Variants in VPS37A observed in about 807,000 individuals in gnomAD.
VPS37A encodes vacuolar protein sorting-associated protein 37A.
In VPS37A, 30 loss-of-function variants were observed where a neutral mutation model predicts 49.8. The ratio of observed to expected loss-of-function variants is 0.60; its 90% CI spans 0.45 to 0.82. VPS37A has a LOEUF of 0.82. VPS37A is among the 40% of genes least tolerant of loss of function. The pLI is 0.00. For synonymous variants in VPS37A, 195 were observed against 160.6 expected (o/e 1.21, Z -1.62); for missense variants, 593 against 464.4 (o/e 1.28, Z -2.55).
At chr8:17,320,267 T>C in the VPS37A span, among the ~76,000 whole-genome samples, 1 of 152,174 alleles carries the variant, frequency 6.6e-6, no homozygotes, top group African/African-American at 2.4e-5. Flanking sequence ...CTTAGACTGC[T>C]CAAGGAAGCT....
intron 1 of VPS37A, among the ~76,000 whole-genome samples, chr8:17,265,027 A>G (rs1184438522): frequency 6.6e-6 from 1 of 152,212 alleles, no homozygotes; most frequent in African/African-American, 2.4e-5. Flanking sequence ...GGCTAAAACA[A>G]GATAAAAGTT....
downstream of VPS37A, chr8:17,302,239 T>C: frequency 6.2e-7 from 1 of 1,614,106 alleles, no homozygotes. Context: ...CTGTCGGGGC[T>C]GCATCCCCTT....
At chr8:17,255,211 C>T (rs1007089253) in intron 1 of VPS37A, among the ~76,000 whole-genome samples, 1 of 152,202 alleles carries the variant, frequency 6.6e-6, no homozygotes, top group African/African-American at 2.4e-5. Context: ...TGCAGTGGCT[C>T]ACTGAGCGCC....
At chr8:17,288,366 C>G (rs867015394) in intron 11 of VPS37A, among the ~76,000 whole-genome samples, 3 of 152,140 alleles carry the variant, frequency 2.0e-5, no homozygotes, top group Non-Finnish European at 4.4e-5. Flanking sequence ...TGCTATTCCT[C>G]TCCTTGCCCC....
At chr8:17,250,251 A>G (rs1274404765) in intron 1 of VPS37A, among the ~76,000 whole-genome samples, 1 of 152,170 alleles carries the variant, frequency 6.6e-6, no homozygotes. Context: ...AATTCAAAGT[A>G]ATCAGCCTAC....
At chr8:17,319,977 A>T in the VPS37A span, among the ~76,000 whole-genome samples, 1 of 152,236 alleles carries the variant, frequency 6.6e-6, no homozygotes, top group Admixed American at 6.5e-5. Flanking sequence ...TGAGATAGAT[A>T]TGCTGTAAGT....
intron 11 of VPS37A, among the ~76,000 whole-genome samples, chr8:17,292,755 A>C (rs1266849552): frequency 6.6e-6 from 1 of 152,070 alleles, no homozygotes; most frequent in East Asian, 1.9e-4. Context: ...ATTGGTTGAA[A>C]ATTCTTTAAG....
At chr8:17,277,311 T>C (rs529988699) in intron 6 of VPS37A, among the ~76,000 whole-genome samples, 4 of 152,328 alleles carry the variant, frequency 2.6e-5, no homozygotes, top group African/African-American at 9.6e-5. Context: ...TAATATGCAT[T>C]GTAATGCTCA....
At chr8:17,299,016 T>C (rs1009027187), downstream of VPS37A, 3 of 152,206 alleles carry the variant, frequency 2.0e-5, no homozygotes, top group Admixed American at 6.5e-5. Flanking sequence ...CTACTAACTT[T>C]ATAATGTGAT....
At chr8:17,321,231 G>A in the VPS37A span, among the ~76,000 whole-genome samples, 8 of 152,312 alleles carry the variant, frequency 5.3e-5, no homozygotes, top group African/African-American at 1.7e-4. Context: ...ACCTGGAAAT[G>A]GCCTGTGCCA....
chr8:17,267,992 A>G (rs1258271364), intron 2 of VPS37A, among the ~76,000 whole-genome samples: 1 of 152,204 alleles, frequency 6.6e-6, no homozygotes, highest in Non-Finnish European at 1.5e-5. Flanking sequence ...GAAAGCAACT[A>G]ATTGGCATGA....
At position 17,268,476 on chromosome 8, in the gene VPS37A, T is replaced by G. The variant is rs1813677104; in HGVS notation, c.315+104T>G. 3 of 854,670 alleles carry G rather than the reference T, an allele frequency of 3.5e-6. No individual in the cohort carries two copies. In the East Asian group the frequency reaches 8.0e-5, roughly 23 times the overall value. The allele number at this position is 854,670 out of a possible 1,614,324, so 52.9% of individuals were successfully genotyped here. On this transcript the variant is annotated intron_variant, in intron 3 of 11. Coordinates refer to ENST00000324849, the MANE Select transcript of VPS37A (RefSeq NM_152415.3). ...ATGCATTTAAAGTTTCATTTTGTCATGAGTACTTTTTTTAAAAATTGAATA... is the reference window on the plus strand; with the variant it reads ...ATGCATTTAAAGTTTCATTTTGTCAGGAGTACTTTTTTTAAAAATTGAATA...
At chr8:17,321,067 G>A in the VPS37A span, among the ~76,000 whole-genome samples, 4 of 152,006 alleles carry the variant, frequency 2.6e-5, no homozygotes, top group African/African-American at 7.3e-5. Context: ...TAGCATTCTC[G>A]TTGATTATAA....
the VPS37A span, chr8:17,313,340 C>G: frequency 6.2e-7 from 1 of 1,613,080 alleles, no homozygotes; most frequent in South Asian, 1.1e-5. Flanking sequence ...TGTGCCTTAA[C>G]CAGCCAGAGT....
chr8:17,261,576 G>A (rs1214735790), intron 1 of VPS37A, among the ~76,000 whole-genome samples: 1 of 152,018 alleles, frequency 6.6e-6, no homozygotes, highest in African/African-American at 2.4e-5. Flanking sequence ...ATTTATTCTG[G>A]TCTTCTCTCT....
Position 17,296,045 on chromosome 8 carries a change from C to CCAT in VPS37A, c.*1061_*1063dup, listed in dbSNP as rs1171612782. On this transcript the variant is annotated 3_prime_UTR_variant, in exon 12 of 12. Coordinates refer to ENST00000324849, the MANE Select transcript of VPS37A (RefSeq NM_152415.3). ...TATGTAGCTCAGGCTTGGTAAGGTGCCATCTAAATTACAAAACAAACTAAT... is the reference window on the plus strand; with the variant it reads ...TATGTAGCTCAGGCTTGGTAAGGTGCCATCATCTAAATTACAAAACAAACTAAT... The CCAT allele has an allele frequency of 2.0e-5, 3 of 152,082 alleles. No homozygotes were observed. The allele number at this position is 152,082 out of a possible 1,614,324, so 9.4% of individuals were successfully genotyped here.
chr8:17,249,629 C>T (rs533990877), intron 1 of VPS37A, among the ~76,000 whole-genome samples: 1 of 152,260 alleles, frequency 6.6e-6, no homozygotes, highest in South Asian at 2.1e-4. Context: ...TTAGTCCACC[C>T]TTTTAAATAA....
intron 6 of VPS37A, among the ~76,000 whole-genome samples, chr8:17,279,059 T>C (rs919892565): frequency 2.6e-5 from 4 of 152,136 alleles, no homozygotes; most frequent in African/African-American, 9.7e-5. Context: ...TGAATATCTG[T>C]ACACACATAT....
chr8:17,316,519 G>A, the VPS37A span, among the ~76,000 whole-genome samples: 1 of 150,680 alleles, frequency 6.6e-6, no homozygotes, highest in East Asian at 1.9e-4. Context: ...CCCTGTACCT[G>A]GATTTCTATA....
Sources: gnomAD v4.1 joint callset for allele counts (sites outside exome capture counted in the v4.1 genomes callset) on GRCh38, gnomAD v4.1.1 for gene constraint, MANE v1.5 for transcripts, NCBI Gene and HGNC (gene_info 2026-07-23, HGNC 2026-07-21) for gene names.